MAD1L1: variants seen among roughly 807,000 people sequenced by gnomAD.
MAD1L1 encodes the protein mitotic spindle assembly checkpoint protein MAD1.
Under a neutral mutation model 96.9 loss-of-function variants are expected in MAD1L1, and 95 were observed. The observed-to-expected ratio is 0.98, with a 90% CI of 0.83 to 1.16. The LOEUF is 1.16. Among genes scored for constraint, MAD1L1 ranks in the 50% most tolerant of loss-of-function variants. MAD1L1 has a pLI of 0.00. For synonymous variants in MAD1L1, 473 were observed against 396.6 expected (o/e 1.19, Z -2.29); for missense variants, 1,007 against 954.4 (o/e 1.06, Z -0.73).
intron 11 of MAD1L1, among the ~76,000 whole-genome samples, chr7:2,079,124 C>T (rs1392020769): frequency 5.3e-5 from 8 of 152,250 alleles, no homozygotes; most frequent in Non-Finnish European, 1.2e-4. Context: ...TCAGCCCCCA[C>T]ACCGTCATGA....
At chr7:2,192,150 G>A (rs1791757491) in intron 10 of MAD1L1, among the ~76,000 whole-genome samples, 1 of 150,878 alleles carries the variant, frequency 6.6e-6, no homozygotes, top group Admixed American at 6.6e-5. Flanking sequence ...TTTTTTTTGA[G>A]ATGGAGTTTT....
intron 11 of MAD1L1, among the ~76,000 whole-genome samples, chr7:2,110,923 C>A (rs538238674): frequency 3.7e-4 from 56 of 152,158 alleles, no homozygotes; most frequent in South Asian, 8.3e-4. Flanking sequence ...CGCGGGCAAA[C>A]CCTTCCTGTC....
chr7:1,849,377 C>A (rs1195144917), intron 18 of MAD1L1: 1 of 152,224 alleles, frequency 6.6e-6, no homozygotes, highest in Non-Finnish European at 1.5e-5. Flanking sequence ...TACTGTTTTG[C>A]AGACACAGAG....
At chr7:1,902,745 G>A (rs750179054) in intron 17 of MAD1L1, among the ~76,000 whole-genome samples, 25 of 152,230 alleles carry the variant, frequency 1.6e-4, no homozygotes, top group Non-Finnish European at 2.9e-4. Context: ...AGCAGGCACC[G>A]TTCCAGAAAG....
chr7:2,019,181 C>T (rs1445496490), intron 12 of MAD1L1, among the ~76,000 whole-genome samples: 2 of 152,130 alleles, frequency 1.3e-5, no homozygotes, highest in African/African-American at 4.8e-5. Context: ...TTTCCCCAGA[C>T]CCCCAGTCAC....
intron 12 of MAD1L1, among the ~76,000 whole-genome samples, chr7:2,057,334 T>C (rs75974260): frequency 0.01 from 1,539 of 152,320 alleles, 27 homozygotes; most frequent in African/African-American, 0.036. Flanking sequence ...CTGGCCAACG[T>C]GGCAAAATCC....
intron 15 of MAD1L1, among the ~76,000 whole-genome samples, chr7:1,965,068 T>C (rs989621603): frequency 3.9e-5 from 6 of 152,232 alleles, no homozygotes. Flanking sequence ...CTTCATCAAA[T>C]GGCTAGCTCC....
chr7:2,225,087 C>T (rs1793813635), intron 4 of MAD1L1, among the ~76,000 whole-genome samples: 1 of 152,224 alleles, frequency 6.6e-6, no homozygotes, highest in Non-Finnish European at 1.5e-5. Flanking sequence ...TTTCATGCCA[C>T]CCTCCTCTAG....
At chr7:1,935,351 GCCC>G (rs1181769223) in intron 17 of MAD1L1, among the ~76,000 whole-genome samples, 1 of 152,228 alleles carries the variant, frequency 6.6e-6, no homozygotes, top group Non-Finnish European at 1.5e-5. Flanking sequence ...CTGGAAAGGA[GCCC>G]CCGACTGCCA....
chr7:1,844,728 T>G (rs988373806), intron 18 of MAD1L1, among the ~76,000 whole-genome samples: 2 of 152,164 alleles, frequency 1.3e-5, no homozygotes, highest in African/African-American at 4.8e-5. Context: ...GGCCGGGCAC[T>G]GACAGAGGGG....
chr7:1,922,694 G>A (rs1300055929), intron 17 of MAD1L1, among the ~76,000 whole-genome samples: 1 of 152,218 alleles, frequency 6.6e-6, no homozygotes, highest in African/African-American at 2.4e-5. Context: ...GAGAGGGAAG[G>A]CCTCTGCCTG....
chr7:1,838,117 C>A (rs933850361), intron 18 of MAD1L1, among the ~76,000 whole-genome samples: 2 of 152,222 alleles, frequency 1.3e-5, no homozygotes, highest in African/African-American at 2.4e-5. Flanking sequence ...CCGAAACCCA[C>A]GCCAACACCC....
In MAD1L1 at chr7:2,225,401, T is replaced by C. The variant is rs190491542; in HGVS notation, c.291+9A>G. 2.2e-5 allele frequency: 36 copies of C among 1,612,410 alleles called. No individual in the cohort carries two copies. Among genetic ancestry groups the C allele is most frequent in the Middle Eastern group, 1.7e-4 (1 of 6,052 alleles). On this transcript the variant is annotated intron_variant, in intron 4 of 18. Coordinates refer to ENST00000265854, the MANE Select transcript of MAD1L1 (RefSeq NM_001013836.2). ...TGTCTGGGCCGACCCTCGCCCCGCC[T>C]GAACCCACCTCGTAGTTCCTGGCAC...
intron 12 of MAD1L1, among the ~76,000 whole-genome samples, chr7:2,019,085 C>T (rs942019873): frequency 2.1e-4 from 32 of 152,200 alleles, no homozygotes; most frequent in Admixed American, 9.8e-4. Flanking sequence ...CAGGCGGGAA[C>T]GTGGGGCTGC....
intron 10 of MAD1L1, among the ~76,000 whole-genome samples, chr7:2,167,974 GCAGATTGCA>G (rs1413683243): frequency 8.6e-5 from 13 of 151,996 alleles, no homozygotes; most frequent in African/African-American, 2.7e-4. Context: ...CAAAGAGGCA[GCAGATTGCA>G]GAGTAAAGAA....
intron 10 of MAD1L1, among the ~76,000 whole-genome samples, chr7:2,192,197 C>T (rs1295544437): frequency 6.6e-6 from 1 of 151,088 alleles, no homozygotes; most frequent in Non-Finnish European, 1.5e-5. Flanking sequence ...ATGGCATGAT[C>T]TCGGCTCACT....
intron 16 of MAD1L1, among the ~76,000 whole-genome samples, chr7:1,952,716 G>C (rs1416890152): frequency 6.6e-6 from 1 of 152,180 alleles, no homozygotes; most frequent in African/African-American, 2.4e-5. Context: ...CACAAAGGAG[G>C]CCCTCAGGGC....
rs569077132 is a variant in MAD1L1, at chr7:1,900,750, G to C, written c.1808-2360C>G. Among the ~76,000 whole-genome samples, 6 of 151,380 alleles carry C rather than the reference G, an allele frequency of 4.0e-5. No homozygotes were observed. The East Asian group carries it at 7.8e-4, about 20-fold the overall frequency. On this transcript the variant is annotated intron_variant, in intron 17 of 18. Coordinates refer to ENST00000265854, the MANE Select transcript of MAD1L1 (RefSeq NM_001013836.2). ...TCAGGCGTCCAAAGGGGAAGAATTA[G>C]ATTTTGGTAATAAATGCAAGCCTGA...
intron 18 of MAD1L1, among the ~76,000 whole-genome samples, chr7:1,853,948 A>C (rs1455991105): frequency 6.6e-6 from 1 of 152,234 alleles, no homozygotes; most frequent in Non-Finnish European, 1.5e-5. Context: ...TTGGTCATTT[A>C]TCAGGCTAAT....
Sources: gnomAD v4.1 joint callset for allele counts (sites outside exome capture counted in the v4.1 genomes callset) on GRCh38, gnomAD v4.1.1 for gene constraint, MANE v1.5 for transcripts, NCBI Gene and HGNC (gene_info 2026-07-23, HGNC 2026-07-21) for gene names.